Variants in ERAP1 observed in about 807,000 individuals in gnomAD.
The protein encoded by ERAP1 is endoplasmic reticulum aminopeptidase 1.
A neutral mutation model predicts 103.7 loss-of-function variants in ERAP1; 86 were observed. The observed-to-expected ratio is 0.83, with a 90% CI of 0.70 to 0.99. ERAP1 has a LOEUF of 0.99. ERAP1 is among the 50% of genes least tolerant of loss of function. The pLI, the probability that ERAP1 is intolerant of heterozygous loss-of-function variation, is 0.00. For synonymous variants in ERAP1, 398 were observed against 402.4 expected, an observed-to-expected ratio of 0.99 and a Z score of 0.13; for missense variants, 1,009 against 1,128.4, an observed-to-expected ratio of 0.89 and a Z score of 1.52.
chr5:96,807,765 C>T, intron 1 of ERAP1, 95 bp downstream of exon 1: 1 of 901,712 alleles, frequency 1.1e-6, no homozygotes, highest in Non-Finnish European at 1.3e-6. Flanking sequence ...TGCCCCAGGC[C>T]CTCAGCCCCC....
rs1323920077 is a variant in ERAP1 at position 96,792,285 on chromosome 5, A to G, written c.1189-93T>C. 4 of 1,254,828 alleles carry G rather than the reference A, an allele frequency of 3.2e-6. No homozygotes were observed. In the African/African-American group the frequency reaches 5.9e-5, roughly 18 times the overall value. The allele number at this position is 1,254,828 out of a possible 1,614,324, so 77.7% of individuals were successfully genotyped here. A position where few individuals can be genotyped will look rare whatever the true frequency, so the allele number is the denominator to read the frequency against. ...ACATTTTATCTGAGGCAAGAAGTCC[A>G]TACTTCACATTTTGGGGGCAACCTA... On this transcript the variant is annotated intron_variant, in intron 7 of 18. Transcript: ENST00000443439.
the ERAP1 span, among the ~76,000 whole-genome samples, chr5:96,892,821 C>A: frequency 2.0e-5 from 3 of 152,164 alleles, no homozygotes; most frequent in Non-Finnish European, 4.4e-5. Context: ...GGTACTCTGG[C>A]ATTCCAATCT....
At chr5:96,772,851 T>G (rs548728832), downstream of ERAP1, 1 of 153,308 alleles carries the variant, frequency 6.5e-6, no homozygotes, top group South Asian at 2.1e-4. Context: ...TTGAATTTTT[T>G]TAATTGCCTT....
At chr5:96,913,348 A>C in the ERAP1 span, 1 of 1,614,004 alleles carries the variant, frequency 6.2e-7, no homozygotes, top group Non-Finnish European at 8.5e-7. Flanking sequence ...AGGAAAGGTT[A>C]TCAAGACACA....
Position 96,783,238 on chromosome 5 carries a change from G to A in ERAP1, c.2101-3C>T, listed in dbSNP as rs1323553179. Reference sequence around the variant, plus strand: ...CTTAGCAGCCTGATGAGGAAGGCCTGAGGGCGTTGTACAGGGAAACAGGGA... The same window carrying A: ...CTTAGCAGCCTGATGAGGAAGGCCTAAGGGCGTTGTACAGGGAAACAGGGA... On this transcript the variant is annotated splice_region_variant and splice_polypyrimidine_tract_variant and intron_variant, in intron 14 of 18. Transcript: ENST00000443439. The A allele has an allele frequency of 6.2e-7, 1 of 1,609,524 alleles. No homozygotes were observed. Among genetic ancestry groups the A allele is most frequent in the Non-Finnish European group, 8.5e-7 (1 of 1,176,420 alleles).
the ERAP1 span, among the ~76,000 whole-genome samples, chr5:96,872,616 A>C: frequency 6.6e-6 from 1 of 152,140 alleles, no homozygotes; most frequent in Non-Finnish European, 1.5e-5. Flanking sequence ...AAAAAATAAG[A>C]ATAAAAGTAA....
At position 96,793,460 on chromosome 5, in the gene ERAP1, T is replaced by C. The variant is rs780817178; in HGVS notation, c.1128A>G (p.Glu376=). The C allele has an allele frequency of 1.9e-6, 3 of 1,613,828 alleles. No individual in the cohort carries two copies. Among genetic ancestry groups the C allele is most frequent in the East Asian group, 2.2e-5 (1 of 44,830 alleles). ...CAAACTCCATAAATTTGGCAAATCC[T>C]TCATTTAGCCAAAGATCATTCCACC... ...MEWWNDLWLN[E]GFAKFMEFVS... The change falls in exon 7 of 19, where the codon GAA becomes GAG. Residue 376 remains glutamate (E), a synonymous_variant. Transcript: ENST00000443439.
At chr5:96,862,840 A>T in the ERAP1 span, among the ~76,000 whole-genome samples, 1 of 152,186 alleles carries the variant, frequency 6.6e-6, no homozygotes, top group Middle Eastern at 3.4e-3. Context: ...TCCCTGCACC[A>T]TTCTCTGGGC....
At chr5:96,854,804 TC>T in the ERAP1 span, among the ~76,000 whole-genome samples, 1 of 152,206 alleles carries the variant, frequency 6.6e-6, no homozygotes. Flanking sequence ...AAAATGAATG[TC>T]CTTGAAACAG....
chr5:96,859,105 A>ACACACT, the ERAP1 span, among the ~76,000 whole-genome samples: 1 of 143,146 alleles, frequency 7.0e-6, no homozygotes, highest in Non-Finnish European at 1.5e-5. Flanking sequence ...ACACACACAC[A>ACACACT]CTGAACAACA....
the ERAP1 span, among the ~76,000 whole-genome samples, chr5:96,878,743 C>T: frequency 6.6e-6 from 1 of 152,088 alleles, no homozygotes; most frequent in African/African-American, 2.4e-5. Flanking sequence ...GCCAGGCCAA[C>T]ATGGTGAAAC....
the ERAP1 span, among the ~76,000 whole-genome samples, chr5:96,818,718 C>T: frequency 3.3e-4 from 50 of 152,042 alleles, no homozygotes; most frequent in Admixed American, 9.2e-4. Flanking sequence ...GAATCAGTAG[C>T]GTTTAATTTT....
At chr5:96,899,765 G>A in the ERAP1 span, among the ~76,000 whole-genome samples, 1 of 152,138 alleles carries the variant, frequency 6.6e-6, no homozygotes, top group Non-Finnish European at 1.5e-5. Context: ...ATGCTAAATA[G>A]GGGCATACAT....
chr5:96,917,574 C>T, the ERAP1 span: 3 of 1,613,662 alleles, frequency 1.9e-6, no homozygotes, highest in Non-Finnish European at 2.5e-6. Flanking sequence ...AATCTTCCGA[C>T]TCTGAGGACT....
chr5:96,809,118 T>TGAGACC (rs1283197720), upstream of ERAP1, among the ~76,000 whole-genome samples: 1 of 152,206 alleles, frequency 6.6e-6, no homozygotes, highest in African/African-American at 2.4e-5. Context: ...ATGGAGCTGG[T>TGAGACC]GAGACCGTAG....
chr5:96,829,392 T>G, the ERAP1 span, among the ~76,000 whole-genome samples: 1 of 152,332 alleles, frequency 6.6e-6, no homozygotes, highest in African/African-American at 2.4e-5. Flanking sequence ...AACAACACCC[T>G]TAGTAGGGAA....
chr5:96,784,424 G>A (rs949054535), intron 13 of ERAP1, among the ~76,000 whole-genome samples: 8 of 152,092 alleles, frequency 5.3e-5, no homozygotes, highest in African/African-American at 1.7e-4. Context: ...AGGCAGAGGC[G>A]GTGAGCTGAG....
chr5:96,896,163 A>G, the ERAP1 span, among the ~76,000 whole-genome samples: 1 of 152,052 alleles, frequency 6.6e-6, no homozygotes, highest in African/African-American at 2.4e-5. Context: ...CTGAAGGAAT[A>G]TTGGATTTGT....
In ERAP1 at chr5:96,781,047, G is replaced by T; in HGVS notation, c.2588+11C>A. ...TTATCCAGTCACAGCACAATTTTTG[G>T]CACCACTTACTTTTGTACAAGTTTG... On this transcript the variant is annotated intron_variant, in intron 17 of 18. Coordinates refer to ENST00000443439, the MANE Select transcript of ERAP1 (RefSeq NM_001040458.3). 6.2e-7 allele frequency: 1 copy of T among 1,613,948 alleles called. No individual in the cohort carries two copies. The highest frequency in any genetic ancestry group is 8.5e-7 in the Non-Finnish European group (1 of 1,179,948).
Sources: gnomAD v4.1 joint callset for allele counts (sites outside exome capture counted in the v4.1 genomes callset) on GRCh38, gnomAD v4.1.1 for gene constraint, MANE v1.5 for transcripts, NCBI Gene and HGNC (gene_info 2026-07-23, HGNC 2026-07-21) for gene names.